The following SMPX variants were observed in gnomAD, a reference collection of about 807,000 sequenced individuals.
The protein encoded by SMPX is small muscular protein.
In SMPX, 2 loss-of-function variants were observed where a neutral mutation model predicts 6.3. That is an observed-to-expected ratio of 0.32 (90% CI 0.13 to 0.99). The LOEUF (loss-of-function observed/expected upper bound fraction) is 0.99, where lower values mean the gene tolerates loss of function less well. Among genes scored for constraint, SMPX ranks in the 50% least tolerant of loss-of-function variants. The pLI is 0.49. For missense variants in SMPX, 60 were observed against 66.8 expected (o/e 0.90, Z 0.36); for synonymous variants, 32 against 24.7 (o/e 1.30, Z -0.88).
At chrX:21,715,312 G>GCGCGCGCTCGCGCGCA (rs1569303808) in intron 4 of SMPX, among the ~76,000 whole-genome samples, 18 of 104,351 alleles carry the variant, frequency 1.7e-4, no homozygotes, top group African/African-American at 6.6e-4. Context: ...GTGCGCGCAC[G>GCGCGCGCTCGCGCGCA]CGCGCGCGCT....
At chrX:21,748,029 G>A in intron 2 of SMPX, among the ~76,000 whole-genome samples, 1 of 112,083 alleles carries the variant, frequency 8.9e-6, no homozygotes, top group Middle Eastern at 4.6e-3. Context: ...GACATTTTGA[G>A]ATTTATAGCA....
chrX:21,713,999 A>G (rs2092781546), intron 4 of SMPX, among the ~76,000 whole-genome samples: 1 of 112,417 alleles, frequency 8.9e-6, no homozygotes, highest in Non-Finnish European at 1.9e-5. Context: ...TTTACCATGT[A>G]TATATCCATG....
chrX:21,731,426 TATATGTGTGTATGTGTACACATACAC>T (rs2092803106), intron 4 of SMPX, among the ~76,000 whole-genome samples: 8 of 71,267 alleles, frequency 1.1e-4, no homozygotes, highest in African/African-American at 4.2e-4. Flanking sequence ...TATACACACA[TATATGTGTGTATGTGTACACATACAC>T]ATAATGTGTG....
chrX:21,718,078 G>A (rs567649464), intron 4 of SMPX, among the ~76,000 whole-genome samples: 1 of 111,945 alleles, frequency 8.9e-6, no homozygotes, highest in African/African-American at 3.3e-5. Flanking sequence ...GCAGTGACCC[G>A]ATCCATTTTG....
At chrX:21,744,574 A>C (rs963172345) in intron 2 of SMPX, among the ~76,000 whole-genome samples, 2 of 112,251 alleles carry the variant, frequency 1.8e-5, no homozygotes, top group Non-Finnish European at 1.9e-5. Context: ...GAACTTGGAG[A>C]GATAATATAT....
intron 3 of SMPX, among the ~76,000 whole-genome samples, chrX:21,742,124 T>A (rs1165596630): frequency 8.9e-6 from 1 of 112,110 alleles, no homozygotes; most frequent in Non-Finnish European, 1.9e-5. Flanking sequence ...GTCAATTTAG[T>A]GAGAAAAGTG....
chrX:21,721,092 C>T (rs181422604), intron 4 of SMPX, among the ~76,000 whole-genome samples: 3 of 111,746 alleles, frequency 2.7e-5, no homozygotes, highest in East Asian at 5.6e-4. Flanking sequence ...GGGTAGGGTA[C>T]ATATCTGGAA....
At chrX:21,751,589 G>A (rs1247664684) in intron 2 of SMPX, among the ~76,000 whole-genome samples, 1 of 112,157 alleles carries the variant, frequency 8.9e-6, no homozygotes, top group Non-Finnish European at 1.9e-5. Flanking sequence ...TGGAGACCTT[G>A]AGTGCCTCAA....
chrX:21,712,558 G>T (rs767084117), intron 4 of SMPX, among the ~76,000 whole-genome samples: 158 of 110,278 alleles, frequency 1.4e-3, no homozygotes, highest in Non-Finnish European at 2.4e-3. Context: ...TCTTGGTGGG[G>T]AAAGGGGCAT....
At chrX:21,724,264 T>C (rs1238806827) in intron 4 of SMPX, among the ~76,000 whole-genome samples, 1 of 111,892 alleles carries the variant, frequency 8.9e-6, no homozygotes, top group Non-Finnish European at 1.9e-5. Context: ...CCCAGACCCA[T>C]TTGTTTGCCA....
chrX:21,710,140 C>A (rs2092776984), intron 4 of SMPX, among the ~76,000 whole-genome samples: 1 of 111,674 alleles, frequency 9.0e-6, no homozygotes, highest in African/African-American at 3.3e-5. Flanking sequence ...GCCTCTCTGA[C>A]TTTGAGACAG....
intron 4 of SMPX, among the ~76,000 whole-genome samples, chrX:21,736,923 T>C (rs1163695049): frequency 1.8e-5 from 2 of 111,245 alleles, no homozygotes; most frequent in South Asian, 3.8e-4. Flanking sequence ...CAAGGGATCA[T>C]TATTGAACAG....
At chrX:21,725,658 C>T (rs1050260096) in intron 4 of SMPX, among the ~76,000 whole-genome samples, 2 of 112,174 alleles carry the variant, frequency 1.8e-5, no homozygotes, top group Non-Finnish European at 3.8e-5. Flanking sequence ...GTTTTGAAAA[C>T]TGGAACTGCA....
intron 4 of SMPX, among the ~76,000 whole-genome samples, chrX:21,708,153 C>G (rs1036958433): frequency 8.9e-6 from 1 of 112,499 alleles, no homozygotes; most frequent in Non-Finnish European, 1.9e-5. Context: ...GGAATGCTCA[C>G]CTTTTGTATT....
chrX:21,729,403 G>C (rs1197951830), intron 4 of SMPX, among the ~76,000 whole-genome samples: 1 of 111,609 alleles, frequency 9.0e-6, no homozygotes, highest in Non-Finnish European at 1.9e-5. Flanking sequence ...TGGCATTGTG[G>C]GATGTTTAAT....
At position 21,706,410 on chromosome X, in the gene SMPX, C is replaced by G. The variant is rs1487699743; in HGVS notation, c.*15-16G>C. ...CACATCAATCCTGAAAAAGAAAAAC[C>G]AAAGGAACCATGAGTTTTTTGCCTC... On this transcript the variant is annotated splice_polypyrimidine_tract_variant and intron_variant, in intron 4 of 4. Coordinates refer to ENST00000379494, the MANE Select transcript of SMPX (RefSeq NM_014332.3). The G allele has an allele frequency of 2.0e-5, 7 of 355,303 alleles. No individual in the cohort carries two copies. Among genetic ancestry groups the G allele is most frequent in the Non-Finnish European group, 3.5e-5 (7 of 200,665 alleles). The allele number at this position is 355,303 out of a possible 1,213,427, so 29.3% of individuals were successfully genotyped here.
intron 2 of SMPX, among the ~76,000 whole-genome samples, chrX:21,752,975 C>G (rs1267824706): frequency 2.7e-5 from 3 of 111,665 alleles, no homozygotes; most frequent in Non-Finnish European, 5.6e-5. Context: ...ATTAAGGACC[C>G]TAGTAATATA....
chrX:21,746,220 T>A (rs1357548913), intron 2 of SMPX, among the ~76,000 whole-genome samples: 3 of 111,980 alleles, frequency 2.7e-5, no homozygotes, highest in African/African-American at 9.7e-5. Context: ...GGTGGAGGGT[T>A]TAAATACCTG....
intron 1 of SMPX, among the ~76,000 whole-genome samples, chrX:21,755,871 T>G (rs973288225): frequency 6.2e-5 from 7 of 112,239 alleles, no homozygotes; most frequent in African/African-American, 2.3e-4. Flanking sequence ...GAATTATTTT[T>G]AATACGGTTA....
Sources: gnomAD v4.1 joint callset for allele counts (sites outside exome capture counted in the v4.1 genomes callset) on GRCh38, gnomAD v4.1.1 for gene constraint, MANE v1.5 for transcripts, NCBI Gene and HGNC (gene_info 2026-07-23, HGNC 2026-07-21) for gene names.